TBXAS1: variants seen among roughly 807,000 people sequenced by gnomAD.
The protein encoded by TBXAS1 is thromboxane A synthase 1.
TBXAS1 carries 48 observed loss-of-function variants against 60.7 expected under a neutral mutation model. That is an observed-to-expected ratio of 0.79 (90% confidence interval 0.63 to 1.01). The LOEUF (loss-of-function observed/expected upper bound fraction) is 1.01. Ranked by LOEUF, TBXAS1 falls within the 50% of genes least tolerant of loss-of-function variation. The probability of loss-of-function intolerance (pLI) is 0.00; values close to 1 mark genes in which losing one functional copy is unlikely to be tolerated. For synonymous variants in TBXAS1, 287 were observed against 269.7 expected (o/e 1.06, Z -0.63); for missense variants, 685 against 686.3 (o/e 1.00, Z 0.02).
At chr7:139,892,218 G>C (rs1803673991) in intron 3 of TBXAS1, among the ~76,000 whole-genome samples, 1 of 152,206 alleles carries the variant, frequency 6.6e-6, no homozygotes, top group African/African-American at 2.4e-5. Context: ...TTAGGAGCCA[G>C]ATCTGGGTTC....
At chr7:139,880,271 T>C (rs1802600893) in intron 3 of TBXAS1, among the ~76,000 whole-genome samples, 1 of 152,198 alleles carries the variant, frequency 6.6e-6, no homozygotes, top group Non-Finnish European at 1.5e-5. Context: ...TCACTTTAGT[T>C]TTGATCTTGG....
At chr7:139,835,082 T>C (rs201116838) in intron 1 of TBXAS1, among the ~76,000 whole-genome samples, 2 of 125,132 alleles carry the variant, frequency 1.6e-5, no homozygotes, top group Non-Finnish European at 3.3e-5. Context: ...TTTTTTTTTT[T>C]CTGAGACAGA....
chr7:139,924,548 G>C (rs778750694), intron 4 of TBXAS1, among the ~76,000 whole-genome samples: 12 of 151,786 alleles, frequency 7.9e-5, no homozygotes, highest in Non-Finnish European at 1.8e-4. Context: ...TACATATTCT[G>C]GTTATTATTC....
intron 4 of TBXAS1, among the ~76,000 whole-genome samples, chr7:139,931,071 G>A (rs535101881): frequency 4.6e-5 from 7 of 151,632 alleles, no homozygotes; most frequent in East Asian, 1.9e-4. Flanking sequence ...ACATACACAC[G>A]CATACATGTA....
chr7:139,940,159 A>G (rs1808170587), intron 5 of TBXAS1, among the ~76,000 whole-genome samples: 1 of 152,180 alleles, frequency 6.6e-6, no homozygotes, highest in African/African-American at 2.4e-5. Flanking sequence ...TCCCCTTTGC[A>G]TATGAAGAGC....
At chr7:139,915,115 G>T (rs1265178502) in intron 4 of TBXAS1, among the ~76,000 whole-genome samples, 1 of 152,132 alleles carries the variant, frequency 6.6e-6, no homozygotes, top group African/African-American at 2.4e-5. Flanking sequence ...GTGTAGCTTT[G>T]TTTATGGTCT....
At position 140,013,747 on chromosome 7, in the gene TBXAS1, C is replaced by T. The variant is rs1261407094; in HGVS notation, c.1227-1976C>T. On this transcript the variant is annotated intron_variant, in intron 10 of 12. Transcript: ENST00000448866. The surrounding 1 kb of genome is among the most constrained non-coding windows in gnomAD (Gnocchi z 4.2). Reference sequence around the variant, plus strand: ...CCTGAACACCAGCCTGAGGCTCAGCCCTGAAGGCAGCTTGACCAGGCAAAC... The same window carrying T: ...CCTGAACACCAGCCTGAGGCTCAGCTCTGAAGGCAGCTTGACCAGGCAAAC... 3.3e-5 allele frequency among the ~76,000 whole-genome samples: 5 copies of T among 152,196 alleles called. No individual in the cohort carries two copies. In the South Asian group the frequency reaches 1.0e-3, roughly 31 times the overall value.
At chr7:139,959,481 G>A (rs1810155837) in intron 8 of TBXAS1, among the ~76,000 whole-genome samples, 1 of 152,174 alleles carries the variant, frequency 6.6e-6, no homozygotes, top group African/African-American at 2.4e-5. Context: ...GCAGTGTTCA[G>A]ATAGCCTCCC....
intron 1 of TBXAS1, among the ~76,000 whole-genome samples, chr7:139,869,858 A>G (rs995248758): frequency 9.2e-5 from 14 of 152,208 alleles, no homozygotes; most frequent in African/African-American, 3.4e-4. Flanking sequence ...GTGTTGAGAC[A>G]GTCAGAGGGC....
intron 3 of TBXAS1, among the ~76,000 whole-genome samples, chr7:139,893,325 G>GACACACACACACACAC (rs71170920): frequency 0.023 from 3,225 of 139,866 alleles, 43 homozygotes; most frequent in African/African-American, 0.038. Flanking sequence ...CTATGGAATA[G>GACACACACACACACAC]ACACACACAC....
chr7:139,807,545 T>A lies in TBXAS1; in HGVS notation c.-80+20119T>A, dbSNP rs6980375. Among the ~76,000 whole-genome samples the A allele has an allele frequency of 9.9e-5, 15 of 151,962 alleles. No homozygotes were observed. The South Asian group carries it at 3.1e-3, about 32-fold the overall frequency. On this transcript the variant is annotated intron_variant, in intron 4 of 16. Coordinates refer to the TBXAS1 transcript ENST00000336425. ...ACTACAGGTGCCCACCATCATGCCC[T>A]GCTAATTTTTTGTATTTTTAGTAGA...
chr7:139,905,991 C>T (rs544530713), intron 3 of TBXAS1: 1 of 197,944 alleles, frequency 5.1e-6, no homozygotes, highest in South Asian at 5.8e-5. Flanking sequence ...ACATTTAATT[C>T]TGTAGTCCAT....
chr7:139,980,540 G>A (rs1811887860), intron 9 of TBXAS1, among the ~76,000 whole-genome samples: 1 of 151,990 alleles, frequency 6.6e-6, no homozygotes, highest in Admixed American at 6.6e-5. Context: ...TCTCTCCCTT[G>A]GAATTTCTCT....
At chr7:139,868,071 T>C (rs1044396188) in intron 1 of TBXAS1, among the ~76,000 whole-genome samples, 1 of 152,210 alleles carries the variant, frequency 6.6e-6, no homozygotes, top group African/African-American at 2.4e-5. Context: ...TATATATACT[T>C]TCTGTTGTCG....
Position 140,013,398 on chromosome 7 carries a change from T to G in TBXAS1, c.1227-2325T>G, listed in dbSNP as rs1814769698. Among the ~76,000 whole-genome samples the G allele has an allele frequency of 6.6e-6, 1 of 152,158 alleles. No individual in the cohort carries two copies. The highest frequency in any genetic ancestry group is 1.9e-4 in the East Asian group (1 of 5,198). ...TGGTCTCGATGCTCACTCCAAGAGT[T>G]GAGTTGTGTGGCTCCAGGTAGACTC... On this transcript the variant is annotated intron_variant, in intron 10 of 12. Coordinates refer to ENST00000448866, the MANE Select transcript of TBXAS1 (RefSeq NM_001061.7). This position sits in a 1 kb window ranked among gnomAD's most constrained non-coding sequence, Gnocchi z 4.2.
chr7:139,784,761 C>G (rs1025810176), intron 3 of TBXAS1, among the ~76,000 whole-genome samples: 6 of 152,136 alleles, frequency 3.9e-5, no homozygotes, highest in Admixed American at 3.3e-4. Context: ...CATGTTGAGT[C>G]TAAAGTACCT....
intron 9 of TBXAS1, among the ~76,000 whole-genome samples, chr7:139,968,395 A>G (rs1486745091): frequency 6.6e-6 from 1 of 152,132 alleles, no homozygotes; most frequent in Non-Finnish European, 1.5e-5. Flanking sequence ...CCCAGGTTCA[A>G]GTGATTCTCC....
chr7:139,822,330 T>A (rs1206058271), intron 4 of TBXAS1, among the ~76,000 whole-genome samples: 1 of 152,182 alleles, frequency 6.6e-6, no homozygotes, highest in African/African-American at 2.4e-5. Context: ...GGTATTGCCC[T>A]GTAAGGCTGC....
At chr7:139,821,145 G>A (rs60503820) in intron 4 of TBXAS1, among the ~76,000 whole-genome samples, 58,525 of 152,062 alleles carry the variant, frequency 0.38, 11,929 homozygotes, top group South Asian at 0.69. Context: ...GCTGAGAGAA[G>A]TCAAGGATGA....
Sources: allele counts gnomAD v4.1 joint callset (sites outside exome capture counted in the v4.1 genomes callset), GRCh38; gene constraint gnomAD v4.1.1; non-coding constraint Gnocchi (gnomAD v3.1); transcripts MANE v1.5; gene names NCBI Gene and HGNC (gene_info 2026-07-23, HGNC 2026-07-21).